Variants in DNAJC24 observed in about 807,000 individuals in gnomAD.
DNAJC24 encodes the protein dnaJ homolog subfamily C member 24.
A neutral mutation model predicts 18.0 loss-of-function variants in DNAJC24; 17 were observed. That is an observed-to-expected ratio of 0.94 (90% confidence interval 0.65 to 1.42). The LOEUF (loss-of-function observed/expected upper bound fraction) is 1.42, where lower values mean the gene tolerates loss of function less well. Among genes scored for constraint, DNAJC24 ranks in the 40% most tolerant of loss-of-function variants. The pLI is 0.00. For synonymous variants in DNAJC24, 55 were observed against 57.7 expected (o/e 0.95, Z 0.21); for missense variants, 158 against 175.6 (o/e 0.90, Z 0.57).
At chr11:31,385,930 C>T (rs978589133) in intron 2 of DNAJC24, among the ~76,000 whole-genome samples, 3 of 152,142 alleles carry the variant, frequency 2.0e-5, no homozygotes, top group Admixed American at 6.5e-5. Flanking sequence ...AAAGAGAATC[C>T]GTGTGCTTGG....
intron 2 of DNAJC24, among the ~76,000 whole-genome samples, chr11:31,389,256 C>T (rs1952462987): frequency 6.6e-6 from 1 of 152,020 alleles, no homozygotes; most frequent in Non-Finnish European, 1.5e-5. Flanking sequence ...CTGTTGCCTA[C>T]AAGAAACCCA....
intron 2 of DNAJC24, among the ~76,000 whole-genome samples, chr11:31,377,602 T>G (rs546241981): frequency 6.6e-6 from 1 of 152,214 alleles, no homozygotes; most frequent in Non-Finnish European, 1.5e-5. Context: ...AAAAACAATT[T>G]GAATAGTAAT....
intron 2 of DNAJC24, among the ~76,000 whole-genome samples, chr11:31,409,151 C>T (rs1952681497): frequency 6.6e-6 from 1 of 152,078 alleles, no homozygotes; most frequent in African/African-American, 2.4e-5. Context: ...TTCTGTTGTA[C>T]TTGTTTTTCT....
chr11:31,403,151 G>A (rs977431260), intron 2 of DNAJC24, among the ~76,000 whole-genome samples: 1 of 151,294 alleles, frequency 6.6e-6, no homozygotes, highest in Non-Finnish European at 1.5e-5. Flanking sequence ...GTGTGTGTGT[G>A]TGTGTGTGTA....
chr11:31,427,024 A>G (rs1002578015), intron 4 of DNAJC24: 1 of 152,150 alleles, frequency 6.6e-6, no homozygotes, highest in East Asian at 1.9e-4. Context: ...ACACTTTACT[A>G]AACAGAAGCC....
intron 2 of DNAJC24, among the ~76,000 whole-genome samples, chr11:31,378,059 A>T (rs1952335781): frequency 6.6e-6 from 1 of 152,158 alleles, no homozygotes; most frequent in South Asian, 2.1e-4. Context: ...GGGGACCTGT[A>T]CTATAGTCAG....
intron 2 of DNAJC24, among the ~76,000 whole-genome samples, chr11:31,379,758 T>C (rs1952357234): frequency 6.6e-6 from 1 of 151,878 alleles, no homozygotes; most frequent in Non-Finnish European, 1.5e-5. Flanking sequence ...AAGAAATAAA[T>C]CTTTTTTTTT....
chr11:31,391,464 AAAG>A (rs1489193559), intron 2 of DNAJC24, among the ~76,000 whole-genome samples: 9 of 152,224 alleles, frequency 5.9e-5, no homozygotes, highest in African/African-American at 1.9e-4. Context: ...ACATTTCTTC[AAAG>A]AAGATGTACA....
Position 31,431,340 on chromosome 11 carries a change from G to A in DNAJC24, c.*939G>A, listed in dbSNP as rs1952921852. 1 of 151,074 alleles carries A rather than the reference G, an allele frequency of 6.6e-6. No homozygotes were observed. Among genetic ancestry groups the A allele is most frequent in the Non-Finnish European group, 1.5e-5 (1 of 67,756 alleles). The allele number at this position is 151,074 out of a possible 1,614,324, so 9.4% of individuals were successfully genotyped here. The stretch of plus-strand genomic sequence containing the variant: ...TGGCCTAAGTTTTGTTAATAGAGAT[G>A]GGATTTCATCATGTTGGCTAGGCTG... On this transcript the variant is annotated 3_prime_UTR_variant, in exon 5 of 5. Coordinates refer to ENST00000465995, the MANE Select transcript of DNAJC24 (RefSeq NM_181706.5).
chr11:31,398,509 C>T (rs1249223078), intron 2 of DNAJC24, among the ~76,000 whole-genome samples: 1 of 152,156 alleles, frequency 6.6e-6, no homozygotes, highest in Non-Finnish European at 1.5e-5. Flanking sequence ...TCCACAGGAA[C>T]ATTTCTGCAA....
At chr11:31,430,142 C>T (rs1201879375) in intron 4 of DNAJC24, 129 bp from the exon 5 acceptor site, 1 of 784,042 alleles carries the variant, frequency 1.3e-6, no homozygotes, top group East Asian at 3.0e-5. Context: ...CCTTTAAATA[C>T]ATTTTATCTT....
chr11:31,402,916 T>C (rs1434673797), intron 2 of DNAJC24, among the ~76,000 whole-genome samples: 3 of 152,308 alleles, frequency 2.0e-5, no homozygotes, highest in South Asian at 2.1e-4. Flanking sequence ...CACTAGGCAG[T>C]AGGAATTTTT....
At chr11:31,392,853 C>G (rs1591906646) in intron 2 of DNAJC24, among the ~76,000 whole-genome samples, 1 of 151,952 alleles carries the variant, frequency 6.6e-6, no homozygotes, top group Middle Eastern at 3.4e-3. Context: ...TTCACCATGT[C>G]AGCCAGCCTG....
intron 2 of DNAJC24, among the ~76,000 whole-genome samples, chr11:31,376,002 AG>A (rs1952310040): frequency 1.9e-5 from 2 of 105,710 alleles, no homozygotes; most frequent in African/African-American, 2.7e-5. Flanking sequence ...TAGCTCTCAT[AG>A]TTCCCATGTG....
Position 31,370,697 on chromosome 11 carries a change from C to A in DNAJC24, c.-33-19C>A. Reference sequence around the variant, plus strand: ...TACATGGCAAACTGTGATGAATTGTCATTAATATTTCTATTCAGCTAATCT... The same window carrying A: ...TACATGGCAAACTGTGATGAATTGTAATTAATATTTCTATTCAGCTAATCT... On this transcript the variant is annotated intron_variant, in intron 1 of 4. Coordinates refer to ENST00000465995, the MANE Select transcript of DNAJC24 (RefSeq NM_181706.5). The A allele has an allele frequency of 8.1e-7, 1 of 1,240,086 alleles. No individual in the cohort carries two copies. Among genetic ancestry groups the A allele is most frequent in the South Asian group, 1.4e-5 (1 of 71,988 alleles). The allele number at this position is 1,240,086 out of a possible 1,614,324, so 76.8% of individuals were successfully genotyped here.
intron 2 of DNAJC24, among the ~76,000 whole-genome samples, chr11:31,397,677 T>C (rs367736078): frequency 3.3e-5 from 5 of 152,180 alleles, no homozygotes; most frequent in African/African-American, 1.2e-4. Flanking sequence ...CTAAACTATA[T>C]TCAGATTCAT....
intron 2 of DNAJC24, chr11:31,408,158 G>A (rs763381208): frequency 1.2e-4 from 53 of 456,012 alleles, no homozygotes; most frequent in South Asian, 1.7e-4. Flanking sequence ...TTGGAAGGAC[G>A]CATCTGTCAC....
At chr11:31,420,244 A>G (rs1952790837) in intron 3 of DNAJC24, among the ~76,000 whole-genome samples, 1 of 151,982 alleles carries the variant, frequency 6.6e-6, no homozygotes, top group Non-Finnish European at 1.5e-5. Flanking sequence ...ATTAATCAGA[A>G]CCATCCTCCT....
chr11:31,416,484 G>T (rs115522315), intron 3 of DNAJC24: 1 of 152,056 alleles, frequency 6.6e-6, no homozygotes, highest in South Asian at 2.1e-4. Context: ...ATTCTTTCAG[G>T]TGTTTTTGCA....
Sources: allele counts gnomAD v4.1 joint callset (sites outside exome capture counted in the v4.1 genomes callset), GRCh38; gene constraint gnomAD v4.1.1; transcripts MANE v1.5; gene names NCBI Gene and HGNC (gene_info 2026-07-23, HGNC 2026-07-21).